Variants in ASCC3 observed in about 807,000 individuals in gnomAD.
The protein encoded by ASCC3 is ASC-1 complex subunit P200.
In ASCC3, 158 loss-of-function variants were observed where a neutral mutation model predicts 256.3. That is an observed-to-expected ratio of 0.62 (90% CI 0.54 to 0.70). The LOEUF (loss-of-function observed/expected upper bound fraction) is 0.70, where lower values mean the gene tolerates loss of function less well. Among genes scored for constraint, ASCC3 ranks in the 30% least tolerant of loss-of-function variants. The pLI is 0.00. For missense variants in ASCC3, 2,259 were observed against 2,626.0 expected, an observed-to-expected ratio of 0.86 and a Z score of 3.05; for synonymous variants, 948 against 883.4, an observed-to-expected ratio of 1.07 and a Z score of -1.30.
intron 36 of ASCC3, among the ~76,000 whole-genome samples, chr6:100,557,187 C>T (rs1769632676): frequency 6.6e-6 from 1 of 152,092 alleles, no homozygotes; most frequent in Non-Finnish European, 1.5e-5. Flanking sequence ...ATTTTTGTTA[C>T]ATGCTCCGTT....
chr6:100,580,854 T>A (rs947404195), intron 36 of ASCC3, among the ~76,000 whole-genome samples: 1 of 151,492 alleles, frequency 6.6e-6, no homozygotes, highest in South Asian at 2.1e-4. Flanking sequence ...GGTCTTGCGA[T>A]AGTTTACTGA....
chr6:100,818,029 A>G (rs1020582051), intron 4 of ASCC3, among the ~76,000 whole-genome samples: 3 of 152,180 alleles, frequency 2.0e-5, no homozygotes, highest in African/African-American at 7.2e-5. Context: ...AAAAGCATCA[A>G]TATAGAAAAC....
Position 100,606,933 on chromosome 6 carries a change from C to G in ASCC3, c.4923+18G>C. 1 of 1,612,904 alleles carries G rather than the reference C, an allele frequency of 6.2e-7. No homozygotes were observed. Among genetic ancestry groups the G allele is most frequent in the East Asian group, 2.2e-5 (1 of 44,770 alleles). ...TAAGTTACATTTAAATATGTGTTCA[C>G]TGGAGAAAAAAAAGTACCTGAACTT... On this transcript the variant is annotated intron_variant, in intron 31 of 41. Coordinates refer to ENST00000369162, the MANE Select transcript of ASCC3 (RefSeq NM_006828.4).
At chr6:100,519,882 A>G (rs1774216095) in intron 37 of ASCC3, among the ~76,000 whole-genome samples, 1 of 152,154 alleles carries the variant, frequency 6.6e-6, no homozygotes, top group African/African-American at 2.4e-5. Flanking sequence ...CATGCTCACT[A>G]CTTATATGAA....
At chr6:100,725,019 T>C (rs1427528817) in intron 11 of ASCC3, among the ~76,000 whole-genome samples, 2 of 151,964 alleles carry the variant, frequency 1.3e-5, no homozygotes, top group Admixed American at 6.6e-5. Flanking sequence ...TGATTCACTG[T>C]TGTAATTTTG....
chr6:100,524,172 C>T (rs1190803056), intron 37 of ASCC3, among the ~76,000 whole-genome samples: 4 of 152,032 alleles, frequency 2.6e-5, no homozygotes, highest in Admixed American at 1.3e-4. Flanking sequence ...TATTCTATTA[C>T]GTGTGCTGAT....
chr6:100,652,986 T>G, intron 17 of ASCC3, 97 bp from the exon 18 acceptor site: 1 of 1,175,294 alleles, frequency 8.5e-7, no homozygotes, highest in South Asian at 1.4e-5. Flanking sequence ...TTTCTTAATG[T>G]TTTAGTTAGA....
chr6:100,814,082 T>C lies in ASCC3; in HGVS notation c.802-8202A>G, dbSNP rs544727412. Among the ~76,000 whole-genome samples the C allele has an allele frequency of 4.6e-5, 7 of 152,324 alleles. No individual in the cohort carries two copies. The South Asian group carries it at 1.2e-3, about 27-fold the overall frequency. ...TATGATCTTGGCTGTGGATTTGTCATAGATGGCTCTTACTATTTTGAGGTA... is the reference window on the plus strand; with the variant it reads ...TATGATCTTGGCTGTGGATTTGTCACAGATGGCTCTTACTATTTTGAGGTA... On this transcript the variant is annotated intron_variant, in intron 4 of 41. Coordinates refer to ENST00000369162, the MANE Select transcript of ASCC3 (RefSeq NM_006828.4).
At chr6:100,811,721 T>C (rs922226360) in intron 4 of ASCC3, among the ~76,000 whole-genome samples, 1 of 152,126 alleles carries the variant, frequency 6.6e-6, no homozygotes, top group African/African-American at 2.4e-5. Flanking sequence ...CTAAGTACTC[T>C]ATGAAAAACA....
At position 100,546,884 on chromosome 6, in the gene ASCC3, C is replaced by T. The variant is rs558525288; in HGVS notation, c.5551-6497G>A. On this transcript the variant is annotated intron_variant, in intron 36 of 41. Transcript: ENST00000369162. Reference sequence around the variant, plus strand: ...ATCATATACTTAGGTACCTTTTGACCCCATGGAAAAAAATATCTAGTGTTC... The same window carrying T: ...ATCATATACTTAGGTACCTTTTGACTCCATGGAAAAAAATATCTAGTGTTC... Among the ~76,000 whole-genome samples, 357 of 151,794 alleles carry T rather than the reference C, an allele frequency of 2.4e-3. 2 individuals are homozygous for T. Among genetic ancestry groups the T allele is most frequent in the Middle Eastern group, 3.4e-3 (1 of 294 alleles).
intron 8 of ASCC3, among the ~76,000 whole-genome samples, chr6:100,794,634 G>A (rs1029795215): frequency 7.2e-5 from 11 of 152,088 alleles, no homozygotes; most frequent in Middle Eastern, 3.4e-3. Flanking sequence ...GAACTTAGCC[G>A]AATAAGCACA....
At chr6:100,594,202 A>C (rs1772157834) in intron 34 of ASCC3, among the ~76,000 whole-genome samples, 1 of 152,068 alleles carries the variant, frequency 6.6e-6, no homozygotes, top group Non-Finnish European at 1.5e-5. Flanking sequence ...ACTATATTAT[A>C]AAAATGGTCT....
rs1311691741 is a variant in ASCC3, at chr6:100,608,146, C to CATATATATGTATATATATT, written c.4786-1059_4786-1058insAATATATATACATATATAT. On this transcript the variant is annotated intron_variant, in intron 30 of 41. Transcript: ENST00000369162. ...TATATACATATATATGTATATATAT[C>CATATATATGTATATATATT]TATATATACATATTTATATACATAT... Among the ~76,000 whole-genome samples, 59 of 41,082 alleles carry CATATATATGTATATATATT rather than the reference C, an allele frequency of 1.4e-3. 7 individuals are homozygous for CATATATATGTATATATATT. The East Asian group carries it at 0.016, about 11-fold the overall frequency. 27.0% of individuals were successfully genotyped at this position (41,082 alleles called of 152,430 possible).
At chr6:100,602,921 T>C (rs1411118527) in intron 33 of ASCC3, among the ~76,000 whole-genome samples, 2 of 152,090 alleles carry the variant, frequency 1.3e-5, no homozygotes, top group African/African-American at 4.8e-5. Context: ...TTATAATAAG[T>C]TGAATTTTTA....
intron 34 of ASCC3, among the ~76,000 whole-genome samples, chr6:100,592,933 C>T (rs889315062): frequency 1.3e-5 from 2 of 152,064 alleles, no homozygotes; most frequent in Admixed American, 1.3e-4. Context: ...ATCATCAAGT[C>T]ATTATCTTCT....
At chr6:100,545,430 C>T (rs960009813) in intron 36 of ASCC3, among the ~76,000 whole-genome samples, 6 of 152,180 alleles carry the variant, frequency 3.9e-5, no homozygotes, top group Admixed American at 3.9e-4. Flanking sequence ...CATGCCTCGG[C>T]CTCCCAAAGT....
intron 13 of ASCC3, among the ~76,000 whole-genome samples, chr6:100,694,697 T>C (rs1324199101): frequency 1.3e-5 from 2 of 152,152 alleles, no homozygotes; most frequent in African/African-American, 4.8e-5. Context: ...TTTGGGCCAA[T>C]ATTATCTTCA....
In ASCC3 at chr6:100,646,622, T is replaced by A. The variant is rs1475738214; in HGVS notation, c.3626A>T (p.Asn1209Ile). ...GCCGTTTTCCACTTCTACCTGATCA[T>A]TCCAAGTGAAATCAGCATAGATGCT... ...TLSIYADFTW[N>I]DQVHGTVGEP... The change falls in exon 22 of 42, where the codon AAT (asparagine) becomes ATT (isoleucine). Residue 1209 changes from asparagine (N) to isoleucine (I), a missense_variant. Asn to Ile is a moderately radical substitution (Grantham distance 149, BLOSUM62 -3). This residue lies in a region of ASCC3 where 1,839 missense variants were observed against 2,206.7 expected (regional missense o/e 0.83). Coordinates refer to ENST00000369162, the MANE Select transcript of ASCC3 (RefSeq NM_006828.4). The A allele has an allele frequency of 6.2e-7, 1 of 1,614,028 alleles. No homozygotes were observed.
intron 14 of ASCC3, among the ~76,000 whole-genome samples, chr6:100,675,421 G>A (rs185864782): frequency 6.6e-6 from 1 of 152,150 alleles, no homozygotes; most frequent in Admixed American, 6.5e-5. Context: ...ATTCTAATCT[G>A]GGCCATACTG....
Sources: gnomAD v4.1 joint callset for allele counts (sites outside exome capture counted in the v4.1 genomes callset) on GRCh38, gnomAD v4.1.1 for gene constraint, gnomAD v4.1.1 regional missense constraint, MANE v1.5 for transcripts, NCBI Gene and HGNC (gene_info 2026-07-23, HGNC 2026-07-21) for gene names.